Variants in CREBBP observed in about 807,000 individuals in gnomAD.
CREBBP encodes the protein CREB-binding protein.
A neutral mutation model predicts 265.0 loss-of-function variants in CREBBP; 19 were observed. The observed-to-expected ratio is 0.07, with a 90% CI of 0.05 to 0.11. The LOEUF (loss-of-function observed/expected upper bound fraction) is 0.11. Ranked by LOEUF, CREBBP falls within the 10% of genes least tolerant of loss-of-function variation. The pLI, the probability that CREBBP is intolerant of heterozygous loss-of-function variation, is 1.00. For missense variants in CREBBP, 2,525 were observed against 3,219.0 expected (o/e 0.78, Z 5.22); for synonymous variants, 1,457 against 1,223.7 (o/e 1.19, Z -3.98).
intron 24 of CREBBP, 41 bp downstream of exon 24, chr16:3,740,358 G>C (rs760974359): frequency 1.1e-5 from 17 of 1,611,804 alleles, no homozygotes; most frequent in Admixed American, 3.3e-5. Context: ...AGCGGGCGTG[G>C]GGACTGCTCG....
In CREBBP at chr16:3,880,503, TGCC is replaced by T. The variant is rs1015152209; in HGVS notation, c.-590_-588del. The T allele has an allele frequency of 2.6e-4, 36 of 139,668 alleles. No homozygotes were observed. The highest frequency in any genetic ancestry group is 7.9e-4 in the South Asian group (4 of 5,080). 8.7% of individuals were successfully genotyped at this position (139,668 alleles called of 1,614,324 possible). A position where few individuals can be genotyped will look rare whatever the true frequency, so the allele number is the denominator to read the frequency against. On this transcript the variant is annotated 5_prime_UTR_variant, in exon 1 of 31. Transcript: ENST00000262367. Reference sequence around the variant, plus strand: ...CCCGTTCCGCCGCCGCCGCCGCCGCTGCCGCCGCCGCCGCCGCCGGGCTCCGGG... The same window carrying T: ...CCCGTTCCGCCGCCGCCGCCGCCGCTGCCGCCGCCGCCGCCGGGCTCCGGG...
At chr16:3,757,681 CTG>C in intron 18 of CREBBP, 126 bp downstream of exon 18, 1 of 1,356,468 alleles carries the variant, frequency 7.4e-7, no homozygotes, top group Non-Finnish European at 1.0e-6. Context: ...CAGGCATCAA[CTG>C]TGTCACCAGA....
intron 3 of CREBBP, among the ~76,000 whole-genome samples, chr16:3,798,461 A>C (rs1567321912): frequency 2.6e-5 from 4 of 152,204 alleles, no homozygotes; most frequent in Admixed American, 2.6e-4. Context: ...TATTTTAAAA[A>C]CTCTTACAAC....
chr16:3,856,109 C>A (rs901710294), intron 1 of CREBBP, among the ~76,000 whole-genome samples: 10 of 151,904 alleles, frequency 6.6e-5, no homozygotes, highest in Non-Finnish European at 1.5e-4. Flanking sequence ...AAATATGTAC[C>A]CCCCCAAATA....
chr16:3,872,898 GGGCCT>G (rs2055329525), intron 1 of CREBBP, among the ~76,000 whole-genome samples: 1 of 152,230 alleles, frequency 6.6e-6, no homozygotes, highest in African/African-American at 2.4e-5. Flanking sequence ...AACCATCCCA[GGGCCT>G]GCCTCCCACT....
intron 2 of CREBBP, among the ~76,000 whole-genome samples, chr16:3,812,286 C>A (rs1260073057): frequency 6.6e-6 from 1 of 152,060 alleles, no homozygotes; most frequent in Non-Finnish European, 1.5e-5. Flanking sequence ...TCAAGCAATT[C>A]TCCTGCCTCA....
chr16:3,725,996 G>A lies in CREBBP; in HGVS notation c.*1722C>T, dbSNP rs1171633251. 8.6e-6 allele frequency: 2 copies of A among 233,068 alleles called. No homozygotes were observed. Among genetic ancestry groups the A allele is most frequent in the Non-Finnish European group, 1.7e-5 (2 of 118,020 alleles). The allele number at this position is 233,068 out of a possible 1,614,324, so 14.4% of individuals were successfully genotyped here. On this transcript the variant is annotated 3_prime_UTR_variant, in exon 31 of 31. Coordinates refer to ENST00000262367, the MANE Select transcript of CREBBP (RefSeq NM_004380.3). ...GAACTTGTCTCACCCACTCAGTAAG[G>A]GAGCCTGGAACTGGACTCCAAGGGA... is the stretch of plus-strand genomic sequence containing the variant.
At position 3,726,589 on chromosome 16, in the gene CREBBP, T is replaced by C. The variant is rs1050697899; in HGVS notation, c.*1129A>G. 3 of 233,366 alleles carry C rather than the reference T, an allele frequency of 1.3e-5. No homozygotes were observed. Among genetic ancestry groups the C allele is most frequent in the African/African-American group, 6.6e-5 (3 of 45,302 alleles). 14.5% of individuals were successfully genotyped at this position (233,366 alleles called of 1,614,324 possible). On this transcript the variant is annotated 3_prime_UTR_variant, in exon 31 of 31. Coordinates refer to ENST00000262367, the MANE Select transcript of CREBBP (RefSeq NM_004380.3). ...TCTTACAAAGAACAGACTCAAAAAA[T>C]ATATATAAATAAATAAAAACCTTAA...
At chr16:3,824,968 T>C (rs536434859) in intron 2 of CREBBP, among the ~76,000 whole-genome samples, 2 of 152,178 alleles carry the variant, frequency 1.3e-5, no homozygotes, top group African/African-American at 4.8e-5. Flanking sequence ...GGATAGCACA[T>C]GGGAAAATGC....
In CREBBP at chr16:3,729,169, G is replaced by T. The variant is rs772270271; in HGVS notation, c.5878C>A (p.Arg1960=). ...QPPPAAVEAA[R]QIEREAQQQQ... ...TGCTGGGCCTCACGCTCGATCTGCCGAGCCGCTTCCACCGCTGCAGGAGGG... is the reference window on the plus strand; with the variant it reads ...TGCTGGGCCTCACGCTCGATCTGCCTAGCCGCTTCCACCGCTGCAGGAGGG... Residue 1960 remains arginine, a synonymous_variant, in exon 31 of 31, where the codon CGG becomes AGG. Coordinates refer to ENST00000262367, the MANE Select transcript of CREBBP (RefSeq NM_004380.3). 31 of 1,466,392 alleles carry T rather than the reference G, an allele frequency of 2.1e-5. No individual in the cohort carries two copies. Among genetic ancestry groups the T allele is most frequent in the Admixed American group, 1.2e-4 (6 of 49,490 alleles). 90.8% of individuals were successfully genotyped at this position (1,466,392 alleles called of 1,614,324 possible).
At chr16:3,879,592 AGGAGGGCTGATCGGGTGCGG>A (rs2055479773) in intron 1 of CREBBP, among the ~76,000 whole-genome samples, 1 of 152,170 alleles carries the variant, frequency 6.6e-6, no homozygotes, top group South Asian at 2.1e-4. Context: ...GGTCCCCGCG[AGGAGGGCTGATCGGGTGCGG>A]GGAGGCCGAG....
chr16:3,732,342 G>C (rs2051939310), intron 28 of CREBBP, among the ~76,000 whole-genome samples: 1 of 152,186 alleles, frequency 6.6e-6, no homozygotes, highest in South Asian at 2.1e-4. Context: ...AGAGCTTCCA[G>C]GAGACAGGAA....
chr16:3,733,221 G>A (rs2051962720), intron 28 of CREBBP, among the ~76,000 whole-genome samples: 1 of 151,938 alleles, frequency 6.6e-6, no homozygotes, highest in African/African-American at 2.4e-5. Flanking sequence ...AATTAGCCAG[G>A]CGTGGTGGCG....
At chr16:3,820,294 A>AT (rs1471933251) in intron 2 of CREBBP, among the ~76,000 whole-genome samples, 2 of 152,240 alleles carry the variant, frequency 1.3e-5, no homozygotes, top group African/African-American at 4.8e-5. Flanking sequence ...TCCTTCCAGT[A>AT]TATCAACTTG....
chr16:3,806,451 C>A (rs1171715341), intron 3 of CREBBP, among the ~76,000 whole-genome samples: 2 of 147,606 alleles, frequency 1.4e-5, no homozygotes, highest in African/African-American at 5.1e-5. Flanking sequence ...TAACGCAGTT[C>A]TTAAAAAAAA....
chr16:3,866,799 G>GATC (rs1244568679), intron 1 of CREBBP, among the ~76,000 whole-genome samples: 1 of 152,064 alleles, frequency 6.6e-6, no homozygotes, highest in African/African-American at 2.4e-5. Context: ...CCCTAAAAGA[G>GATC]ATCTAATTAT....
At position 3,818,346 on chromosome 16, in the gene CREBBP, T is replaced by A. The variant is rs1190747535; in HGVS notation, c.799-7567A>T. Reference sequence around the variant, plus strand: ...TTTTGAGATGGAGTCTCACTCTTGTTGCCCAGGCTGGAGTGTAGTGGCACC... The same window carrying A: ...TTTTGAGATGGAGTCTCACTCTTGTAGCCCAGGCTGGAGTGTAGTGGCACC... On this transcript the variant is annotated intron_variant, in intron 2 of 30. Transcript: ENST00000262367. Among the ~76,000 whole-genome samples, 13 of 150,130 alleles carry A rather than the reference T, an allele frequency of 8.7e-5. No homozygotes were observed. In the East Asian group the frequency reaches 1.6e-3, roughly 18 times the overall value.
chr16:3,835,607 T>C (rs986634953), intron 2 of CREBBP, among the ~76,000 whole-genome samples: 4 of 133,820 alleles, frequency 3.0e-5, no homozygotes, highest in East Asian at 2.2e-4. Context: ...TGAGACGGAG[T>C]CTTGCTCTGT....
At position 3,728,641 on chromosome 16, in the gene CREBBP, G is replaced by C. The variant is rs2151304182; in HGVS notation, c.6406C>G (p.Gln2136Glu). 1 of 1,613,736 alleles carries C rather than the reference G, an allele frequency of 6.2e-7. No homozygotes were observed. The highest frequency in any genetic ancestry group is 1.1e-5 in the South Asian group (1 of 91,062). ...GCATTCAGGTTCTGCAGGCTGGGCT[G>C]CTGGTGCATGCCAGGCTGGGGTTGC... ...GMQPQPGMHQ[Q>E]PSLQNLNAMQ... Residue 2136 changes from glutamine to glutamate, a missense_variant, in exon 31 of 31, where the codon CAG (glutamine) becomes GAG (glutamate). Transcript: ENST00000262367. The surrounding 1 kb of genome is among the most constrained non-coding windows in gnomAD (Gnocchi z 8.7).
Sources: gnomAD v4.1 joint callset for allele counts (sites outside exome capture counted in the v4.1 genomes callset) on GRCh38, gnomAD v4.1.1 for gene constraint, Gnocchi (gnomAD v3.1) non-coding constraint, MANE v1.5 for transcripts, NCBI Gene and HGNC (gene_info 2026-07-23, HGNC 2026-07-21) for gene names.